The following PM20D2 variants were observed in gnomAD, a reference collection of about 807,000 sequenced individuals.
PM20D2 encodes xaa-Arg dipeptidase.
A neutral mutation model predicts 42.9 loss-of-function variants in PM20D2; 33 were observed. The ratio of observed to expected loss-of-function variants is 0.77; its 90% confidence interval spans 0.58 to 1.03. PM20D2 has a LOEUF of 1.03. Among genes scored for constraint, PM20D2 ranks in the 50% least tolerant of loss-of-function variants. PM20D2 has a pLI of 0.00. For missense variants in PM20D2, 548 were observed against 557.0 expected (o/e 0.98, Z 0.16); for synonymous variants, 250 against 228.2 (o/e 1.10, Z -0.86).
chr6:89,144,335 A>C (rs1463983966), upstream of PM20D2, among the ~76,000 whole-genome samples: 1 of 152,350 alleles, frequency 6.6e-6, no homozygotes, highest in East Asian at 1.9e-4. Context: ...TGAGGAGGGC[A>C]AACATGGGTT....
the PM20D2 span, chr6:89,099,046 A>G: frequency 8.8e-6 from 12 of 1,368,058 alleles, no homozygotes; most frequent in Non-Finnish European, 1.2e-5. Context: ...AACATTAGTT[A>G]TATTTTTACT....
At position 89,146,087 on chromosome 6, in the gene PM20D2, G is replaced by A. The variant is rs759894644; in HGVS notation, c.-58G>A. The A allele has an allele frequency of 1.6e-5, 21 of 1,347,742 alleles. No individual in the cohort carries two copies. The highest frequency in any genetic ancestry group is 2.0e-5 in the Non-Finnish European group (21 of 1,050,740). The allele number at this position is 1,347,742 out of a possible 1,614,324, so 83.5% of individuals were successfully genotyped here. A position where few individuals can be genotyped will look rare whatever the true frequency, so the allele number is the denominator to read the frequency against. ...CCTCTGGGCGCGTGCGCGGGCGGTC[G>A]CTACCTGCGGCCGAGCCAGGGAGCG... is the stretch of plus-strand genomic sequence containing the variant. On this transcript the variant is annotated 5_prime_UTR_variant, in exon 1 of 7. Transcript: ENST00000275072.
At chr6:89,099,729 T>A in the PM20D2 span, among the ~76,000 whole-genome samples, 1 of 151,988 alleles carries the variant, frequency 6.6e-6, no homozygotes, top group South Asian at 2.1e-4. Flanking sequence ...GAGATGGGAT[T>A]TCTCCATGTT....
At chr6:89,100,180 A>C in the PM20D2 span, among the ~76,000 whole-genome samples, 1 of 152,220 alleles carries the variant, frequency 6.6e-6, no homozygotes, top group Non-Finnish European at 1.5e-5. Context: ...TGTATGGAAG[A>C]GATTCCAAGG....
At chr6:89,150,173 A>T (rs1770779517) in intron 2 of PM20D2, among the ~76,000 whole-genome samples, 1 of 152,160 alleles carries the variant, frequency 6.6e-6, no homozygotes, top group South Asian at 2.1e-4. Flanking sequence ...TCTAGATTGT[A>T]CCCGGGTATC....
the PM20D2 span, among the ~76,000 whole-genome samples, chr6:89,121,555 A>ATATTTACCCTTTGTTCTAGAACTT: frequency 6.6e-6 from 1 of 152,216 alleles, no homozygotes; most frequent in Non-Finnish European, 1.5e-5. Context: ...AAACATATTC[A>ATATTTACCCTTTGTTCTAGAACTT]TATTTACCCT....
chr6:89,154,999 G>A (rs764639120), intron 4 of PM20D2, 97 bp downstream of exon 4: 27 of 1,133,058 alleles, frequency 2.4e-5, no homozygotes, highest in Non-Finnish European at 3.1e-5. Context: ...CTTATTTGGT[G>A]ACATGTTGAA....
chr6:89,111,740 CATT>C, the PM20D2 span, among the ~76,000 whole-genome samples: 4 of 152,082 alleles, frequency 2.6e-5, no homozygotes, highest in Non-Finnish European at 5.9e-5. Flanking sequence ...TGTCTTTCAT[CATT>C]AAGTATGATG....
At chr6:89,123,398 A>G in the PM20D2 span, among the ~76,000 whole-genome samples, 1 of 152,208 alleles carries the variant, frequency 6.6e-6, no homozygotes, top group African/African-American at 2.4e-5. Context: ...AGAAAGCTCT[A>G]TCACCAATAT....
chr6:89,134,317 C>CT, the PM20D2 span, among the ~76,000 whole-genome samples: 2 of 151,184 alleles, frequency 1.3e-5, no homozygotes, highest in Admixed American at 1.3e-4. Context: ...CGCCCTAAGC[C>CT]TTTAAGAGAA....
chr6:89,128,711 C>T, the PM20D2 span, among the ~76,000 whole-genome samples: 1 of 152,148 alleles, frequency 6.6e-6, no homozygotes, highest in Non-Finnish European at 1.5e-5. Context: ...GCATCATGGT[C>T]CCACCAATAT....
the PM20D2 span, among the ~76,000 whole-genome samples, chr6:89,136,104 A>G: frequency 6.6e-6 from 1 of 151,086 alleles, no homozygotes. Flanking sequence ...ACACATAATT[A>G]TATCCACTAA....
the PM20D2 span, among the ~76,000 whole-genome samples, chr6:89,094,330 T>C: frequency 6.6e-6 from 1 of 150,386 alleles, no homozygotes; most frequent in Admixed American, 6.6e-5. Flanking sequence ...AAGCGATTCT[T>C]CTGCCTCAGC....
At chr6:89,102,847 G>A in the PM20D2 span, among the ~76,000 whole-genome samples, 1 of 152,142 alleles carries the variant, frequency 6.6e-6, no homozygotes, top group Admixed American at 6.6e-5. Context: ...GACCTACTGG[G>A]CTCAAGGAGT....
At chr6:89,148,847 A>G (rs1323595314) in intron 1 of PM20D2, among the ~76,000 whole-genome samples, 1 of 152,240 alleles carries the variant, frequency 6.6e-6, no homozygotes, top group African/African-American at 2.4e-5. Flanking sequence ...TGTGAGGATA[A>G]GTAGTAAGTT....
chr6:89,121,048 C>T, the PM20D2 span, among the ~76,000 whole-genome samples: 1 of 152,038 alleles, frequency 6.6e-6, no homozygotes, highest in Non-Finnish European at 1.5e-5. Flanking sequence ...AACCACAAAG[C>T]TCTTTACAGT....
the PM20D2 span, among the ~76,000 whole-genome samples, chr6:89,119,094 C>T: frequency 6.6e-6 from 1 of 152,194 alleles, no homozygotes; most frequent in Non-Finnish European, 1.5e-5. Context: ...ACAGCCCTCC[C>T]AGAGGCTGTG....
the PM20D2 span, among the ~76,000 whole-genome samples, chr6:89,117,234 A>G: frequency 2.2e-3 from 335 of 152,264 alleles, 1 homozygote; most frequent in African/African-American, 7.0e-3. Context: ...AGAAAAACGC[A>G]CTGATCTCAT....
the PM20D2 span, among the ~76,000 whole-genome samples, chr6:89,103,331 C>CTT: frequency 3.5e-5 from 5 of 141,382 alleles, no homozygotes; most frequent in Non-Finnish European, 4.7e-5. Context: ...AATTTAAATT[C>CTT]TTTTTTTTTT....
Sources: gnomAD v4.1 joint callset for allele counts (sites outside exome capture counted in the v4.1 genomes callset) on GRCh38, gnomAD v4.1.1 for gene constraint, MANE v1.5 for transcripts, NCBI Gene and HGNC (gene_info 2026-07-23, HGNC 2026-07-21) for gene names.